Variants in HIBADH observed in about 807,000 individuals in gnomAD.
HIBADH encodes the protein 3-hydroxyisobutyrate dehydrogenase, also known as 3-hydroxyisobutyrate dehydrogenase, mitochondrial.
HIBADH carries 25 observed loss-of-function variants against 36.1 expected under a neutral mutation model. The observed-to-expected ratio is 0.69, with a 90% CI of 0.50 to 0.97. The LOEUF (loss-of-function observed/expected upper bound fraction) is 0.97, where lower values mean the gene tolerates loss of function less well. Ranked by LOEUF, HIBADH falls within the 50% of genes least tolerant of loss-of-function variation. The probability of loss-of-function intolerance (pLI) is 0.00; values close to 1 mark genes in which losing one functional copy is unlikely to be tolerated. For synonymous variants in HIBADH, 160 were observed against 149.5 expected (o/e 1.07, Z -0.51); for missense variants, 421 against 418.0 (o/e 1.01, Z -0.06).
chr7:27,657,346 G>C (rs150539291), intron 1 of HIBADH, among the ~76,000 whole-genome samples: 255 of 152,264 alleles, frequency 1.7e-3, no homozygotes, highest in Admixed American at 4.0e-3. Context: ...GAGGAAACAA[G>C]AAAGCATGTC....
chr7:27,632,387 G>T lies in HIBADH; in HGVS notation c.311C>A (p.Pro104His). 6.2e-7 allele frequency: 1 copy of T among 1,613,366 alleles called. No individual in the cohort carries two copies. The highest frequency in any genetic ancestry group is 8.5e-7 in the Non-Finnish European group (1 of 1,179,628). Residue 104 changes from proline to histidine, a missense_variant, in exon 3 of 8, where the codon CCC becomes CAC. Coordinates refer to ENST00000265395, the MANE Select transcript of HIBADH (RefSeq NM_152740.4). ...AGCTTCTATTGCATTGATACTGGTG[G>T]GCAGCATTGTAATAATTCTGTCAGC... ...EKADRIITML[P>H]TSINAIEAYS...
intron 4 of HIBADH, among the ~76,000 whole-genome samples, chr7:27,599,453 C>A (rs1325966670): frequency 6.6e-6 from 1 of 151,858 alleles, no homozygotes; most frequent in South Asian, 2.1e-4. Context: ...GAGGCCGAGG[C>A]GGGCTGATCA....
At chr7:27,553,551 AGGAGGACTG>A (rs1186721078) in intron 4 of HIBADH, among the ~76,000 whole-genome samples, 1 of 152,208 alleles carries the variant, frequency 6.6e-6, no homozygotes, top group East Asian at 1.9e-4. Flanking sequence ...GGCTGGCTTG[AGGAGGACTG>A]ATGCAGTACA....
intron 4 of HIBADH, among the ~76,000 whole-genome samples, chr7:27,550,149 T>C (rs1405094123): frequency 2.6e-5 from 4 of 152,154 alleles, no homozygotes; most frequent in East Asian, 1.9e-4. Flanking sequence ...TGCCTCATGA[T>C]CCTCCTGCCT....
At chr7:27,598,266 G>A (rs1785063588) in intron 4 of HIBADH, among the ~76,000 whole-genome samples, 1 of 151,970 alleles carries the variant, frequency 6.6e-6, no homozygotes. Context: ...TTTTATTTCT[G>A]GAATATAAAA....
At chr7:27,624,900 T>C (rs955772418) in intron 4 of HIBADH, among the ~76,000 whole-genome samples, 1 of 152,252 alleles carries the variant, frequency 6.6e-6, no homozygotes, top group African/African-American at 2.4e-5. Context: ...AGACCAACCA[T>C]GTTCTAAGCA....
intron 4 of HIBADH, among the ~76,000 whole-genome samples, chr7:27,581,594 T>A (rs568851264): frequency 6.6e-6 from 1 of 152,202 alleles, no homozygotes; most frequent in South Asian, 2.1e-4. Context: ...ATTTTATAGA[T>A]TTATGATATA....
intron 4 of HIBADH, among the ~76,000 whole-genome samples, chr7:27,548,817 G>A (rs573872909): frequency 2.8e-4 from 42 of 152,222 alleles, no homozygotes; most frequent in Admixed American, 7.2e-4. Context: ...GAGGGCAATC[G>A]CCACCAAATC....
chr7:27,527,917 C>CTTTTTTTT (rs1562609863), intron 7 of HIBADH, among the ~76,000 whole-genome samples: 6,031 of 76,770 alleles, frequency 0.079, 1,674 homozygotes, highest in East Asian at 0.19. Context: ...CCACACCCAG[C>CTTTTTTTT]GTTTTTTTTT....
chr7:27,542,967 CT>C lies in HIBADH; in HGVS notation c.617del (p.Gln206ArgfsTer11), dbSNP rs770992261. On this transcript the variant is annotated frameshift_variant and splice_region_variant, in exon 5 of 8. Coordinates refer to ENST00000265395, the MANE Select transcript of HIBADH (RefSeq NM_152740.4). LOFTEE classifies it high-confidence loss of function. ...VVYCGAVGTGQAAKICNNMLL... is the reference protein window; with the variant it reads ...VVYCGAVGTGXAAKICNNMLL... ...AAGGTCATTAATGTAAAAATCTTAC[CT>C]GCCCAGTCCCAACAGCTCCACAGTA... The C allele has an allele frequency of 2.5e-6, 4 of 1,612,588 alleles. No homozygotes were observed. Among genetic ancestry groups the C allele is most frequent in the Non-Finnish European group, 3.4e-6 (4 of 1,179,386 alleles).
chr7:27,585,981 T>G (rs1181205876), intron 4 of HIBADH, among the ~76,000 whole-genome samples: 1 of 152,218 alleles, frequency 6.6e-6, no homozygotes, highest in Non-Finnish European at 1.5e-5. Flanking sequence ...AGAAGATAGG[T>G]GGTTATGTAA....
At chr7:27,643,143 T>C (rs951400591) in intron 2 of HIBADH, among the ~76,000 whole-genome samples, 8 of 152,250 alleles carry the variant, frequency 5.3e-5, no homozygotes, top group Non-Finnish European at 1.0e-4. Flanking sequence ...TGTCTTGTTC[T>C]GAGCTATATT....
chr7:27,617,526 A>G (rs1370119682), intron 4 of HIBADH, among the ~76,000 whole-genome samples: 2 of 152,186 alleles, frequency 1.3e-5, no homozygotes, highest in Non-Finnish European at 2.9e-5. Context: ...TCCAGAAAGA[A>G]GAGCCAAAAT....
At chr7:27,639,736 A>T (rs1785926175) in intron 2 of HIBADH, among the ~76,000 whole-genome samples, 1 of 122,030 alleles carries the variant, frequency 8.2e-6, no homozygotes, top group Non-Finnish European at 2.0e-5. Context: ...TTTTTAAATT[A>T]AAAAAAATAA....
chr7:27,645,371 T>TTTTTTG (rs1562657230), intron 2 of HIBADH, among the ~76,000 whole-genome samples: 3 of 111,120 alleles, frequency 2.7e-5, no homozygotes, highest in African/African-American at 8.9e-5. Context: ...GGTTTTGATT[T>TTTTTTG]TTTTTTTTTT....
chr7:27,582,337 G>T (rs1562630369), intron 4 of HIBADH, among the ~76,000 whole-genome samples: 1 of 152,034 alleles, frequency 6.6e-6, no homozygotes, highest in Non-Finnish European at 1.5e-5. Flanking sequence ...GAAATTGTTG[G>T]TGTTTTGATT....
At chr7:27,581,424 C>T (rs1784787294) in intron 4 of HIBADH, among the ~76,000 whole-genome samples, 1 of 152,124 alleles carries the variant, frequency 6.6e-6, no homozygotes, top group Non-Finnish European at 1.5e-5. Context: ...AATTATTCTG[C>T]TTCAGTTTTA....
chr7:27,624,061 G>A (rs1785595533), intron 4 of HIBADH, among the ~76,000 whole-genome samples: 1 of 152,202 alleles, frequency 6.6e-6, no homozygotes, highest in Non-Finnish European at 1.5e-5. Context: ...GCTTCCCAAA[G>A]TGCTGGGATT....
intron 4 of HIBADH, among the ~76,000 whole-genome samples, chr7:27,612,860 C>A (rs963527538): frequency 5.4e-5 from 8 of 147,066 alleles, no homozygotes; most frequent in Non-Finnish European, 8.9e-5. Context: ...AAGCAGAAGA[C>A]TGCTTGAACC....
Sources: allele counts gnomAD v4.1 joint callset (sites outside exome capture counted in the v4.1 genomes callset), GRCh38; gene constraint gnomAD v4.1.1; transcripts MANE v1.5; gene names NCBI Gene and HGNC (gene_info 2026-07-23, HGNC 2026-07-21).